BMPR1B: variants seen among roughly 807,000 people sequenced by gnomAD.
BMPR1B encodes the protein bone morphogenetic protein receptor type 1B, also known as bone morphogenetic protein receptor type-1B.
A neutral mutation model predicts 59.1 loss-of-function variants in BMPR1B; 12 were observed. That is an observed-to-expected ratio of 0.20 (90% CI 0.13 to 0.33). The LOEUF (loss-of-function observed/expected upper bound fraction) is 0.33. BMPR1B is among the 10% of genes least tolerant of loss of function. The pLI, the probability that BMPR1B is intolerant of heterozygous loss-of-function variation, is 1.00. For missense variants in BMPR1B, 550 were observed against 610.9 expected (o/e 0.90, Z 1.05); for synonymous variants, 237 against 207.3 (o/e 1.14, Z -1.23).
chr4:94,844,404 A>G (rs750329817), intron 1 of BMPR1B, among the ~76,000 whole-genome samples: 35 of 152,190 alleles, frequency 2.3e-4, no homozygotes, highest in Non-Finnish European at 8.8e-5. Context: ...GAGTTAAACA[A>G]TGAGGCCTTA....
chr4:95,015,692 A>G (rs1039998222), intron 3 of BMPR1B, among the ~76,000 whole-genome samples: 43 of 142,832 alleles, frequency 3.0e-4, no homozygotes, highest in Non-Finnish European at 4.8e-4. Flanking sequence ...CTAGCCTGGA[A>G]CATCATTTTT....
chr4:95,045,245 G>C (rs566757422), intron 3 of BMPR1B, among the ~76,000 whole-genome samples: 128 of 152,166 alleles, frequency 8.4e-4, no homozygotes, highest in Middle Eastern at 6.8e-3. Context: ...TAGATACAAA[G>C]GAAAATATTT....
intron 3 of BMPR1B, among the ~76,000 whole-genome samples, chr4:95,066,593 A>G (rs1727821925): frequency 6.6e-6 from 1 of 152,204 alleles, no homozygotes; most frequent in Non-Finnish European, 1.5e-5. Context: ...TCAAAGTGAG[A>G]AAATATGCAG....
chr4:95,134,537 C>A, intron 10 of BMPR1B, among the ~76,000 whole-genome samples: 1 of 152,166 alleles, frequency 6.6e-6, no homozygotes, highest in South Asian at 2.1e-4. Flanking sequence ...CTGTTGTTTC[C>A]TGACTTTTTA....
Position 95,034,270 on chromosome 4 carries a change from G to A in BMPR1B, c.-18+38136G>A, listed in dbSNP as rs375667319. 2.6e-4 allele frequency among the ~76,000 whole-genome samples: 40 copies of A among 151,888 alleles called. No individual in the cohort carries two copies. The South Asian group carries it at 7.5e-3, about 29-fold the overall frequency. On this transcript the variant is annotated intron_variant, in intron 3 of 12. Coordinates refer to ENST00000515059, the MANE Select transcript of BMPR1B (RefSeq NM_001203.3). The stretch of plus-strand genomic sequence containing the variant: ...TACATAATAGGTATATATGTTTATT[G>A]GATACATGAGATATTTATTATTATT...
At chr4:95,118,187 G>T (rs970423553) in intron 6 of BMPR1B, among the ~76,000 whole-genome samples, 1 of 152,174 alleles carries the variant, frequency 6.6e-6, no homozygotes, top group African/African-American at 2.4e-5. Context: ...TACTCAGGTA[G>T]TGTCTAGTTC....
chr4:94,841,680 C>A (rs564673266), intron 1 of BMPR1B, among the ~76,000 whole-genome samples: 1 of 152,252 alleles, frequency 6.6e-6, no homozygotes, highest in African/African-American at 2.4e-5. Flanking sequence ...TTGAGATGAA[C>A]CCGGTACCTC....
intron 3 of BMPR1B, among the ~76,000 whole-genome samples, chr4:95,078,690 T>A (rs1728890088): frequency 6.6e-6 from 1 of 152,184 alleles, no homozygotes; most frequent in African/African-American, 2.4e-5. Flanking sequence ...GTTCCCATGT[T>A]TCACTCCTTA....
intron 1 of BMPR1B, among the ~76,000 whole-genome samples, chr4:94,870,877 C>T (rs1232122677): frequency 1.3e-5 from 2 of 152,048 alleles, no homozygotes; most frequent in African/African-American, 4.8e-5. Context: ...TTGGTAGGCT[C>T]TTAAACAATT....
intron 8 of BMPR1B, among the ~76,000 whole-genome samples, chr4:95,128,336 A>G (rs1448112031): frequency 1.3e-5 from 2 of 152,252 alleles, no homozygotes; most frequent in East Asian, 1.9e-4. Flanking sequence ...TAATTGGTGT[A>G]AAGTATATCT....
chr4:94,954,501 A>G (rs577651947), intron 2 of BMPR1B, among the ~76,000 whole-genome samples: 1 of 152,322 alleles, frequency 6.6e-6, no homozygotes, highest in African/African-American at 2.4e-5. Context: ...GTTTACATAG[A>G]TTTCAGTATG....
chr4:94,985,912 A>C (rs777713321), intron 2 of BMPR1B, among the ~76,000 whole-genome samples: 2 of 152,188 alleles, frequency 1.3e-5, no homozygotes, highest in Non-Finnish European at 2.9e-5. Flanking sequence ...AGATTTCTAC[A>C]GACTGTTAGG....
intron 3 of BMPR1B, among the ~76,000 whole-genome samples, chr4:95,020,333 A>G (rs1723884555): frequency 6.6e-6 from 1 of 152,204 alleles, no homozygotes; most frequent in African/African-American, 2.4e-5. Flanking sequence ...TAATCCCAGC[A>G]CTTTGGGAGG....
chr4:95,025,917 A>C (rs1422167111), intron 3 of BMPR1B, among the ~76,000 whole-genome samples: 2 of 152,232 alleles, frequency 1.3e-5, no homozygotes, highest in Admixed American at 1.3e-4. Context: ...AAGACAGCAC[A>C]TGTAATTGTC....
At chr4:94,958,143 C>G (rs929489142) in intron 2 of BMPR1B, among the ~76,000 whole-genome samples, 2 of 152,140 alleles carry the variant, frequency 1.3e-5, no homozygotes, top group African/African-American at 2.4e-5. Flanking sequence ...AATATCATGA[C>G]CTTTAAAATA....
At chr4:95,058,215 C>A (rs997886911) in intron 3 of BMPR1B, among the ~76,000 whole-genome samples, 3 of 152,172 alleles carry the variant, frequency 2.0e-5, no homozygotes, top group Non-Finnish European at 4.4e-5. Flanking sequence ...TAGTGTTATA[C>A]ATCGTTCATT....
At chr4:95,025,617 G>A (rs747293150) in intron 3 of BMPR1B, among the ~76,000 whole-genome samples, 1 of 152,076 alleles carries the variant, frequency 6.6e-6, no homozygotes, top group Non-Finnish European at 1.5e-5. Context: ...ATCTGGTTAT[G>A]TTCTCAGAAG....
intron 2 of BMPR1B, among the ~76,000 whole-genome samples, chr4:94,914,742 G>A (rs1041881709): frequency 1.3e-5 from 2 of 152,096 alleles, no homozygotes. Context: ...ATATTCAGGA[G>A]TCAATTAGGG....
chr4:95,114,895 A>G lies in BMPR1B; in HGVS notation c.246+73A>G, dbSNP rs369747574. The G allele has an allele frequency of 3.3e-4, 469 of 1,423,504 alleles. 1 individual carries two copies. The African/African-American group carries it at 5.5e-3, about 17-fold the overall frequency. 88.2% of individuals were successfully genotyped at this position (1,423,504 alleles called of 1,614,324 possible). A position where few individuals can be genotyped will look rare whatever the true frequency, so the allele number is the denominator to read the frequency against. On this transcript the variant is annotated intron_variant, in intron 5 of 12. Coordinates refer to ENST00000515059, the MANE Select transcript of BMPR1B (RefSeq NM_001203.3). Reference sequence around the variant, plus strand: ...AACAAGTTTCAAGCAAGATAAAACCATTCTTTTTCTTGGCCAGCCCATTTT... The same window carrying G: ...AACAAGTTTCAAGCAAGATAAAACCGTTCTTTTTCTTGGCCAGCCCATTTT...
Sources: gnomAD v4.1 joint callset for allele counts (sites outside exome capture counted in the v4.1 genomes callset) on GRCh38, gnomAD v4.1.1 for gene constraint, MANE v1.5 for transcripts, NCBI Gene and HGNC (gene_info 2026-07-23, HGNC 2026-07-21) for gene names.